Variants in NFIX observed in about 807,000 individuals in gnomAD.
The protein encoded by NFIX is nuclear factor I X.
Under a neutral mutation model 53.3 loss-of-function variants are expected in NFIX, and 2 were observed. The observed-to-expected ratio is 0.04, with a 90% confidence interval of 0.02 to 0.12. The LOEUF (loss-of-function observed/expected upper bound fraction) is 0.12, where lower values mean the gene tolerates loss of function less well. Ranked by LOEUF, NFIX falls within the 10% of genes least tolerant of loss-of-function variation. The pLI is 1.00. For synonymous variants in NFIX, 244 were observed against 289.0 expected, an observed-to-expected ratio of 0.84 and a Z score of 1.58; for missense variants, 310 against 674.5, an observed-to-expected ratio of 0.46 and a Z score of 5.99.
At chr19:13,042,269 C>G (rs1445733498) in intron 2 of NFIX, among the ~76,000 whole-genome samples, 1 of 151,908 alleles carries the variant, frequency 6.6e-6, no homozygotes, top group Non-Finnish European at 1.5e-5. Flanking sequence ...GACTTCTGTC[C>G]CCTATTCCCT....
At chr19:13,024,918 C>G in intron 1 of NFIX, 103 bp from the exon 2 acceptor site, 4 of 1,464,976 alleles carry the variant, frequency 2.7e-6, no homozygotes, top group Non-Finnish European at 3.7e-6. Flanking sequence ...CCTTGTGCCC[C>G]CCCTTCTAAC....
At chr19:13,061,416 G>A (rs553984375) in intron 2 of NFIX, among the ~76,000 whole-genome samples, 1 of 152,250 alleles carries the variant, frequency 6.6e-6, no homozygotes, top group Non-Finnish European at 1.5e-5. Flanking sequence ...GGCCTGAGTG[G>A]GTTCTTCTCC....
At chr19:13,023,283 C>T (rs144884079) in intron 1 of NFIX, among the ~76,000 whole-genome samples, 2 of 151,974 alleles carry the variant, frequency 1.3e-5, no homozygotes, top group Non-Finnish European at 2.9e-5. Flanking sequence ...ATCCCATCCA[C>T]GTCCTCCCTC....
chr19:13,089,720 C>T lies in NFIX; in HGVS notation c.1403-579C>T, dbSNP rs567905268. 3.9e-5 allele frequency among the ~76,000 whole-genome samples: 6 copies of T among 152,316 alleles called. No individual in the cohort carries two copies. The highest frequency in any genetic ancestry group is 8.8e-5 in the Non-Finnish European group (6 of 68,008). ...CCTGCCTGCCTGGTCCTTGGGCCTG[C>T]CCAGAGTGGTAAGAGGTGTAGCATC... On this transcript the variant is annotated intron_variant, in intron 9 of 10. Coordinates refer to ENST00000592199, the MANE Select transcript of NFIX (RefSeq NM_001365902.3). The surrounding 1 kb of genome is among the most constrained non-coding windows in gnomAD (Gnocchi z 4.8).
At chr19:13,084,365 AC>A (rs1274015271) in intron 8 of NFIX, among the ~76,000 whole-genome samples, 1 of 151,780 alleles carries the variant, frequency 6.6e-6, no homozygotes, top group East Asian at 1.9e-4. Flanking sequence ...AATCGCTTGA[AC>A]CCGGGAGGCA....
At chr19:13,055,090 C>G (rs1374205008) in intron 2 of NFIX, among the ~76,000 whole-genome samples, 5 of 151,786 alleles carry the variant, frequency 3.3e-5, no homozygotes, top group African/African-American at 1.2e-4. Context: ...ATAATCCCCC[C>G]TTTCCAGCCT....
Position 13,097,431 on chromosome 19 carries a change from G to A in NFIX, c.*2782G>A, listed in dbSNP as rs952120066. On this transcript the variant is annotated 3_prime_UTR_variant, in exon 11 of 11. Coordinates refer to ENST00000592199, the MANE Select transcript of NFIX (RefSeq NM_001365902.3). ...TGGTGCTTCTTACATTATAAAGTAC[G>A]TTTTAAAGAACCCACAAACTATTAT... 1.3e-5 allele frequency: 2 copies of A among 152,468 alleles called. No homozygotes were observed. Among genetic ancestry groups the A allele is most frequent in the Admixed American group, 6.5e-5 (1 of 15,278 alleles). The allele number at this position is 152,468 out of a possible 1,614,324, so 9.4% of individuals were successfully genotyped here. A position where few individuals can be genotyped will look rare whatever the true frequency, so the allele number is the denominator to read the frequency against.
At chr19:13,057,282 C>T (rs1367847182) in intron 2 of NFIX, among the ~76,000 whole-genome samples, 2 of 152,162 alleles carry the variant, frequency 1.3e-5, no homozygotes, top group African/African-American at 4.8e-5. Flanking sequence ...GAGCGGGGAG[C>T]GAGCAGGAGT....
chr19:13,063,482 GTT>G (rs59453057), intron 2 of NFIX, among the ~76,000 whole-genome samples: 2 of 148,114 alleles, frequency 1.4e-5, no homozygotes, highest in East Asian at 2.0e-4. Flanking sequence ...TCCTCTTTCT[GTT>G]TTTTTTTTTC....
Position 13,081,553 on chromosome 19 carries a change from T to C in NFIX, c.1079-127T>C. On this transcript the variant is annotated intron_variant, in intron 7 of 10. Coordinates refer to ENST00000592199, the MANE Select transcript of NFIX (RefSeq NM_001365902.3). The surrounding 1 kb of genome is among the most constrained non-coding windows in gnomAD (Gnocchi z 4.7). ...TGTGCCGCCTTAACTTTTGTGCCTG[T>C]GGCGGCTGCCTTACCTGCTCAGGAT... The C allele has an allele frequency of 1.2e-6, 1 of 862,654 alleles. No individual in the cohort carries two copies. Among genetic ancestry groups the C allele is most frequent in the South Asian group, 2.1e-5 (1 of 47,350 alleles). 53.4% of individuals were successfully genotyped at this position (862,654 alleles called of 1,614,324 possible). A position where few individuals can be genotyped will look rare whatever the true frequency, so the allele number is the denominator to read the frequency against.
At chr19:13,007,564 T>A (rs979926459) in intron 1 of NFIX, among the ~76,000 whole-genome samples, 2 of 152,146 alleles carry the variant, frequency 1.3e-5, no homozygotes, top group African/African-American at 4.8e-5. Context: ...CCCCAACCTC[T>A]CCCTTTCCCT....
intron 2 of NFIX, among the ~76,000 whole-genome samples, chr19:13,029,852 C>G (rs533937775): frequency 4.9e-4 from 74 of 152,350 alleles, no homozygotes; most frequent in South Asian, 2.9e-3. Context: ...CACTAGTTTT[C>G]AGGTCTGAGG....
Position 13,006,253 on chromosome 19 carries a change from G to A in NFIX, c.27+10389G>A, listed in dbSNP as rs2012008782. On this transcript the variant is annotated intron_variant, in intron 1 of 10. Transcript: ENST00000592199. This position sits in a 1 kb window ranked among gnomAD's most constrained non-coding sequence, Gnocchi z 5.6. ...TCATGGTGAGATGATGATTTTGAAC[G>A]CTGCCTTGCTATAGCTCAAGTGCAG... Among the ~76,000 whole-genome samples, 1 of 152,128 alleles carries A rather than the reference G, an allele frequency of 6.6e-6. No homozygotes were observed. Among genetic ancestry groups the A allele is most frequent in the Non-Finnish European group, 1.5e-5 (1 of 68,030 alleles).
At chr19:13,041,951 G>A (rs2145271271) in intron 2 of NFIX, among the ~76,000 whole-genome samples, 1 of 152,204 alleles carries the variant, frequency 6.6e-6, no homozygotes, top group Admixed American at 6.5e-5. Flanking sequence ...AGGCTGGAGT[G>A]CAGTGGCGCA....
chr19:13,087,065 T>C (rs1482323287), intron 8 of NFIX, among the ~76,000 whole-genome samples: 1 of 152,116 alleles, frequency 6.6e-6, no homozygotes, highest in Non-Finnish European at 1.5e-5. Context: ...GTCATCAGGG[T>C]CCTGTTCAGA....
chr19:13,008,195 A>T (rs2012132559), intron 1 of NFIX, among the ~76,000 whole-genome samples: 1 of 152,064 alleles, frequency 6.6e-6, no homozygotes, highest in African/African-American at 2.4e-5. Flanking sequence ...GGGGTCCTGT[A>T]TTCTCATGAC....
rs375719449 is a variant in NFIX at position 13,025,134 on chromosome 19, G to A, written c.141G>A (p.Arg47=). Residue 47 remains arginine, a synonymous_variant, in exon 2 of 11, where the codon CGG becomes CGA. Coordinates refer to ENST00000592199, the MANE Select transcript of NFIX (RefSeq NM_001365902.3). This position sits in a 1 kb window ranked among gnomAD's most constrained non-coding sequence, Gnocchi z 7.5. ...AGTACTTCAAGAAGCATGAAAAGCG[G>A]ATGTCGAAGGACGAGGAGCGGGCGG... ...KRKYFKKHEK[R]MSKDEERAVK... is the part of the protein sequence containing the mutation. 20 of 1,614,114 alleles carry A rather than the reference G, an allele frequency of 1.2e-5. No individual in the cohort carries two copies. Among genetic ancestry groups the A allele is most frequent in the Admixed American group, 1.7e-5 (1 of 60,012 alleles).
At position 13,081,199 on chromosome 19, in the gene NFIX, G is replaced by T. The variant is rs539561238; in HGVS notation, c.1079-481G>T. 9.9e-5 allele frequency among the ~76,000 whole-genome samples: 15 copies of T among 151,928 alleles called. No individual in the cohort carries two copies. Among genetic ancestry groups the T allele is most frequent in the Non-Finnish European group, 2.2e-4 (15 of 68,002 alleles). ...GTGCACCTGTAGTGCTGGTTACTTG[G>T]GGGGCTGAGGTGGGAGGATTGCATG... On this transcript the variant is annotated intron_variant, in intron 7 of 10. Transcript: ENST00000592199. This position sits in a 1 kb window ranked among gnomAD's most constrained non-coding sequence, Gnocchi z 4.7.
At chr19:13,026,271 G>C (rs1296337821) in intron 2 of NFIX, among the ~76,000 whole-genome samples, 1 of 152,038 alleles carries the variant, frequency 6.6e-6, no homozygotes, top group Non-Finnish European at 1.5e-5. Context: ...GCCTCAGGAT[G>C]GATGCCCACA....
Sources: gnomAD v4.1 joint callset for allele counts (sites outside exome capture counted in the v4.1 genomes callset) on GRCh38, gnomAD v4.1.1 for gene constraint, Gnocchi (gnomAD v3.1) non-coding constraint, MANE v1.5 for transcripts, NCBI Gene and HGNC (gene_info 2026-07-23, HGNC 2026-07-21) for gene names.